CUL3: variants seen among roughly 807,000 people sequenced by gnomAD.
The protein encoded by CUL3 is cullin-3.
CUL3 carries 19 observed loss-of-function variants against 89.1 expected under a neutral mutation model. That is an observed-to-expected ratio of 0.21 (90% CI 0.15 to 0.31). The LOEUF (loss-of-function observed/expected upper bound fraction) is 0.31. CUL3 is among the 10% of genes least tolerant of loss of function. The pLI is 1.00. For missense variants in CUL3, 469 were observed against 942.3 expected (o/e 0.50, Z 6.58); for synonymous variants, 351 against 308.4 (o/e 1.14, Z -1.45).
intron 1 of CUL3, among the ~76,000 whole-genome samples, chr2:224,558,693 T>C (rs907987571): frequency 6.6e-6 from 1 of 152,152 alleles, no homozygotes; most frequent in Non-Finnish European, 1.5e-5. Flanking sequence ...TGTAATATTA[T>C]ACAGAATGAA....
intron 2 of CUL3, among the ~76,000 whole-genome samples, chr2:224,554,818 C>A (rs975768121): frequency 6.6e-6 from 1 of 152,164 alleles, no homozygotes; most frequent in African/African-American, 2.4e-5. Context: ...TTCTTAATCC[C>A]ATACTCTCTA....
chr2:224,529,266 A>T (rs1693597410), intron 3 of CUL3, among the ~76,000 whole-genome samples: 1 of 152,156 alleles, frequency 6.6e-6, no homozygotes, highest in Non-Finnish European at 1.5e-5. Context: ...TGAAAGTGAA[A>T]CATATTAACC....
At chr2:224,504,677 A>G (rs1372346395) in intron 8 of CUL3, among the ~76,000 whole-genome samples, 4 of 152,202 alleles carry the variant, frequency 2.6e-5, no homozygotes, top group Non-Finnish European at 5.9e-5. Flanking sequence ...AAAACGGAAG[A>G]CCAAATGAAT....
At chr2:224,576,399 G>A (rs551587940) in intron 1 of CUL3, among the ~76,000 whole-genome samples, 2 of 152,222 alleles carry the variant, frequency 1.3e-5, no homozygotes, top group East Asian at 3.9e-4. Flanking sequence ...AGGAGACTAG[G>A]CTGACTACCC....
intron 3 of CUL3, among the ~76,000 whole-genome samples, chr2:224,522,070 TA>T (rs71062936): frequency 0.14 from 18,782 of 133,544 alleles, 1,272 homozygotes; most frequent in East Asian, 0.31. Context: ...CATTTAAAAT[TA>T]AAAAAAAAAA....
rs111492493 is a variant in CUL3 at position 224,582,219 on chromosome 2, G to C, written c.66+2725C>G. On this transcript the variant is annotated intron_variant, in intron 1 of 15. Transcript: ENST00000264414. Reference sequence around the variant, plus strand: ...TGACCTCAGGTGATCCACCTGCCTCGGCCTCCCAAAGTGCTGGGATCACAG... The same window carrying C: ...TGACCTCAGGTGATCCACCTGCCTCCGCCTCCCAAAGTGCTGGGATCACAG... Among the ~76,000 whole-genome samples, 9 of 152,220 alleles carry C rather than the reference G, an allele frequency of 5.9e-5. 2 individuals are homozygous for C. Among genetic ancestry groups the C allele is most frequent in the African/African-American group, 2.2e-4 (9 of 41,530 alleles).
chr2:224,542,157 CCAAA>C (rs1694133130), intron 2 of CUL3, among the ~76,000 whole-genome samples: 2 of 152,192 alleles, frequency 1.3e-5, no homozygotes, highest in South Asian at 2.1e-4. Context: ...AATTTTAATT[CCAAA>C]CAATGAAAGA....
chr2:224,580,717 A>G (rs1695416108), intron 1 of CUL3, among the ~76,000 whole-genome samples: 1 of 152,144 alleles, frequency 6.6e-6, no homozygotes, highest in African/African-American at 2.4e-5. Flanking sequence ...CAAAACACTA[A>G]AAAGAATCTG....
chr2:224,477,178 A>T (rs1216656732), intron 15 of CUL3, among the ~76,000 whole-genome samples: 1 of 152,194 alleles, frequency 6.6e-6, no homozygotes, highest in Non-Finnish European at 1.5e-5. Flanking sequence ...TTGAAAAAAC[A>T]TCAGAATCAC....
At chr2:224,534,271 G>C (rs1032717965) in intron 3 of CUL3, among the ~76,000 whole-genome samples, 22 of 152,096 alleles carry the variant, frequency 1.4e-4, no homozygotes, top group African/African-American at 5.1e-4. Context: ...TGATCTTGCT[G>C]AACAGGATTT....
At chr2:224,491,301 T>A (rs1167725518) in intron 13 of CUL3, among the ~76,000 whole-genome samples, 1 of 152,170 alleles carries the variant, frequency 6.6e-6, no homozygotes, top group Non-Finnish European at 1.5e-5. Flanking sequence ...TTTACTGTCT[T>A]CTTGGTATAA....
At chr2:224,563,660 T>C (rs536077758) in intron 1 of CUL3, among the ~76,000 whole-genome samples, 1 of 152,342 alleles carries the variant, frequency 6.6e-6, no homozygotes, top group East Asian at 1.9e-4. Context: ...CCATTTTATG[T>C]AGTATGATGA....
In CUL3 at chr2:224,584,985, C is replaced by G. The variant is rs1695545721; in HGVS notation, c.25G>C (p.Gly9Arg). 6.6e-7 allele frequency: 1 copy of G among 1,509,868 alleles called. No individual in the cohort carries two copies. The highest frequency in any genetic ancestry group is 8.9e-7 in the Non-Finnish European group (1 of 1,118,244). 93.5% of individuals were successfully genotyped at this position (1,509,868 alleles called of 1,614,324 possible). Residue 9 changes from glycine to arginine, a missense_variant, in exon 1 of 16, where the codon GGC becomes CGC. Physicochemically the swap from Gly to Arg is moderately radical, Grantham distance 125 (BLOSUM62 -2). Transcript: ENST00000264414. ...CGCATCTTGGTGTCCTTCCGGCTGC[C>G]CGTGCCTTTGCTCAGATTCGACATG... is the stretch of plus-strand genomic sequence containing the variant. MSNLSKGT[G>R]SRKDTKMRIR...
chr2:224,527,710 T>C (rs758683979), intron 3 of CUL3, among the ~76,000 whole-genome samples: 11 of 152,204 alleles, frequency 7.2e-5, no homozygotes, highest in Non-Finnish European at 1.6e-4. Context: ...TCCTACTTTG[T>C]TACACTTGAA....
At chr2:224,507,057 G>C (rs779870454) in intron 6 of CUL3, 54 bp from the exon 7 acceptor site, 36 of 1,543,610 alleles carry the variant, frequency 2.3e-5, no homozygotes, top group Admixed American at 1.1e-4. Flanking sequence ...AAAAAAACAC[G>C]AATCTCTGTT....
intron 3 of CUL3, among the ~76,000 whole-genome samples, chr2:224,533,640 G>C (rs985755844): frequency 2.0e-5 from 3 of 152,144 alleles, no homozygotes; most frequent in African/African-American, 7.2e-5. Context: ...GCGATTTAAA[G>C]ACTCACCATA....
intron 3 of CUL3, among the ~76,000 whole-genome samples, chr2:224,522,070 T>TAAAAAAAAAAAAAAAA (rs71062936): frequency 7.5e-6 from 1 of 133,668 alleles, no homozygotes. Context: ...CATTTAAAAT[T>TAAAAAAAAAAAAAAAA]AAAAAAAAAA....
chr2:224,523,930 G>C (rs900352490), intron 3 of CUL3, among the ~76,000 whole-genome samples: 2 of 152,130 alleles, frequency 1.3e-5, no homozygotes, highest in African/African-American at 4.8e-5. Flanking sequence ...GAAAGTTACT[G>C]TTTAGTGAGT....
intron 1 of CUL3, among the ~76,000 whole-genome samples, chr2:224,578,550 G>A (rs1695363775): frequency 6.6e-6 from 1 of 151,942 alleles, no homozygotes; most frequent in Non-Finnish European, 1.5e-5. Flanking sequence ...AATTAGAAAA[G>A]CTACTAAAAT....
Sources: gnomAD v4.1 joint callset for allele counts (sites outside exome capture counted in the v4.1 genomes callset) on GRCh38, gnomAD v4.1.1 for gene constraint, MANE v1.5 for transcripts, NCBI Gene and HGNC (gene_info 2026-07-23, HGNC 2026-07-21) for gene names.